The following ZBTB16 variants were observed in gnomAD, a reference collection of about 807,000 sequenced individuals.
ZBTB16 encodes the protein zinc finger and BTB domain-containing protein 16.
ZBTB16 carries 8 observed loss-of-function variants against 56.8 expected under a neutral mutation model. The observed-to-expected ratio is 0.14, with a 90% confidence interval of 0.08 to 0.25. The LOEUF (loss-of-function observed/expected upper bound fraction) is 0.25. Ranked by LOEUF, ZBTB16 falls within the 10% of genes least tolerant of loss-of-function variation. ZBTB16 has a pLI of 1.00. For missense variants in ZBTB16, 625 were observed against 903.0 expected (o/e 0.69, Z 3.95); for synonymous variants, 363 against 368.5 (o/e 0.98, Z 0.17).
Position 114,115,192 on chromosome 11 carries a change from C to T in ZBTB16, c.1269-41145C>T, listed in dbSNP as rs555761119. Reference sequence around the variant, plus strand: ...CTTTTACTACCATCTTTGGGAAAGACCTTCTAGAGAAAAGAACCTTTGCTT... The same window carrying T: ...CTTTTACTACCATCTTTGGGAAAGATCTTCTAGAGAAAAGAACCTTTGCTT... On this transcript the variant is annotated intron_variant, in intron 2 of 6. Transcript: ENST00000335953. 2.6e-5 allele frequency among the ~76,000 whole-genome samples: 4 copies of T among 152,094 alleles called. No individual in the cohort carries two copies. In the East Asian group the frequency reaches 7.7e-4, roughly 29 times the overall value.
intron 4 of ZBTB16, among the ~76,000 whole-genome samples, chr11:114,224,911 T>TCCC (rs1944299985): frequency 6.6e-6 from 1 of 152,082 alleles, no homozygotes; most frequent in Non-Finnish European, 1.5e-5. Flanking sequence ...GCAAACAGTT[T>TCCC]TGGTGTCAGT....
intron 4 of ZBTB16, among the ~76,000 whole-genome samples, chr11:114,208,699 C>T (rs1397767259): frequency 6.6e-6 from 1 of 152,166 alleles, no homozygotes; most frequent in Non-Finnish European, 1.5e-5. Flanking sequence ...TATCTTGCAC[C>T]TACCTTGCTT....
At chr11:114,142,487 G>A (rs527349265) in intron 2 of ZBTB16, among the ~76,000 whole-genome samples, 7 of 152,318 alleles carry the variant, frequency 4.6e-5, no homozygotes, top group East Asian at 1.9e-4. Context: ...GCAGCATGCC[G>A]CTTTAGCTCA....
intron 2 of ZBTB16, among the ~76,000 whole-genome samples, chr11:114,074,967 C>T (rs946403825): frequency 4.6e-5 from 7 of 152,096 alleles, no homozygotes; most frequent in Non-Finnish European, 8.8e-5. Context: ...CATGCCTGGA[C>T]GGCTGTGCAG....
At chr11:114,221,773 T>C (rs1488640214) in intron 4 of ZBTB16, among the ~76,000 whole-genome samples, 1 of 152,214 alleles carries the variant, frequency 6.6e-6, no homozygotes, top group Non-Finnish European at 1.5e-5. Context: ...TAGCATTCTC[T>C]GACTGTGCTG....
chr11:114,115,188 A>G (rs927988371), intron 2 of ZBTB16, among the ~76,000 whole-genome samples: 13 of 152,120 alleles, frequency 8.5e-5, no homozygotes, highest in African/African-American at 3.1e-4. Context: ...ATCTTTGGGA[A>G]AGACCTTCTA....
At chr11:114,193,773 T>TG (rs1288215883) in intron 4 of ZBTB16, among the ~76,000 whole-genome samples, 1 of 152,158 alleles carries the variant, frequency 6.6e-6, no homozygotes, top group African/African-American at 2.4e-5. Flanking sequence ...GGAAGAGCTC[T>TG]GAAAAAGAGA....
intron 4 of ZBTB16, among the ~76,000 whole-genome samples, chr11:114,192,983 C>T (rs1373285497): frequency 5.9e-5 from 9 of 152,174 alleles, no homozygotes; most frequent in East Asian, 3.9e-4. Context: ...TGTTCCTAGG[C>T]GGACCCCAGA....
At chr11:114,247,087 G>C in intron 5 of ZBTB16, 111 bp from the exon 6 acceptor site, 1 of 1,419,222 alleles carries the variant, frequency 7.0e-7, no homozygotes. Context: ...TGTCTTTGGA[G>C]GTGGTGAATA....
chr11:114,142,264 T>TA (rs547319077), intron 2 of ZBTB16, among the ~76,000 whole-genome samples: 16 of 152,320 alleles, frequency 1.1e-4, no homozygotes, highest in African/African-American at 3.6e-4. Context: ...TCCTGTTGCC[T>TA]AAAAACTTTT....
chr11:114,235,499 TG>T (rs1944545480), intron 4 of ZBTB16, among the ~76,000 whole-genome samples: 3 of 152,346 alleles, frequency 2.0e-5, no homozygotes, highest in African/African-American at 7.2e-5. Context: ...AGGGGTTTTG[TG>T]TTTCATAATT....
intron 2 of ZBTB16, among the ~76,000 whole-genome samples, chr11:114,098,286 T>C (rs1940489650): frequency 6.6e-6 from 1 of 152,178 alleles, no homozygotes; most frequent in African/African-American, 2.4e-5. Context: ...CGTTCTGTGC[T>C]TTTGAAGGTT....
chr11:114,251,054 G>A lies in ZBTB16; in HGVS notation c.*499G>A, dbSNP rs1249196035. Reference sequence around the variant, plus strand: ...CTAGCTGCTCAAAATGGCAGCTCTAGTTTGCTGGCGGCTGACTGGGGAGGA... The same window carrying A: ...CTAGCTGCTCAAAATGGCAGCTCTAATTTGCTGGCGGCTGACTGGGGAGGA... On this transcript the variant is annotated 3_prime_UTR_variant, in exon 7 of 7. Transcript: ENST00000335953. Among the ~76,000 whole-genome samples, 1 of 152,156 alleles carries A rather than the reference G, an allele frequency of 6.6e-6. No homozygotes were observed. Among genetic ancestry groups the A allele is most frequent in the African/African-American group, 2.4e-5 (1 of 41,436 alleles).
At chr11:114,107,105 G>A (rs538901388) in intron 2 of ZBTB16, among the ~76,000 whole-genome samples, 63 of 152,234 alleles carry the variant, frequency 4.1e-4, no homozygotes, top group Non-Finnish European at 8.1e-4. Flanking sequence ...TCCCAGCCAC[G>A]AGGCGCCAGG....
intron 6 of ZBTB16, among the ~76,000 whole-genome samples, chr11:114,248,612 C>T (rs984036122): frequency 6.6e-6 from 1 of 152,170 alleles, no homozygotes; most frequent in Non-Finnish European, 1.5e-5. Context: ...GAGGTGGCTT[C>T]AGGCAGGTCC....
intron 3 of ZBTB16, among the ~76,000 whole-genome samples, chr11:114,156,681 C>A (rs1471434992): frequency 6.6e-6 from 1 of 152,198 alleles, no homozygotes; most frequent in African/African-American, 2.4e-5. Context: ...AACCAGTGCC[C>A]TGTGTGATCT....
chr11:114,217,468 G>A (rs1298546450), intron 4 of ZBTB16, among the ~76,000 whole-genome samples: 2 of 152,162 alleles, frequency 1.3e-5, no homozygotes, highest in Non-Finnish European at 1.5e-5. Context: ...TCGGGGTGAC[G>A]TCCAGGCATC....
intron 3 of ZBTB16, among the ~76,000 whole-genome samples, chr11:114,181,377 C>T (rs1943245999): frequency 6.6e-6 from 1 of 152,226 alleles, no homozygotes; most frequent in Admixed American, 6.5e-5. Context: ...TGGCAGCTTG[C>T]TGAGGGTCAC....
chr11:114,098,944 G>A lies in ZBTB16; in HGVS notation c.1268+34376G>A, dbSNP rs1164602516. Among the ~76,000 whole-genome samples the A allele has an allele frequency of 5.9e-5, 9 of 152,260 alleles. 1 individual carries two copies. The South Asian group carries it at 1.9e-3, about 32-fold the overall frequency. On this transcript the variant is annotated intron_variant, in intron 2 of 6. Coordinates refer to ENST00000335953, the MANE Select transcript of ZBTB16 (RefSeq NM_006006.6). ...TTCATATTTGCTTGCAAGCTTCTAT[G>A]GCACTGCCGAATTCTACAGTAAATA...
Sources: allele counts gnomAD v4.1 joint callset (sites outside exome capture counted in the v4.1 genomes callset), GRCh38; gene constraint gnomAD v4.1.1; transcripts MANE v1.5; gene names NCBI Gene and HGNC (gene_info 2026-07-23, HGNC 2026-07-21).